The following TMEM45B variants were observed in gnomAD, a reference collection of about 807,000 sequenced individuals.
TMEM45B encodes transmembrane protein 45B.
TMEM45B carries 29 observed loss-of-function variants against 27.3 expected under a neutral mutation model. That is an observed-to-expected ratio of 1.06 (90% CI 0.79 to 1.45). The LOEUF is 1.45. TMEM45B is among the 40% of genes most tolerant of loss of function. The pLI is 0.00. For missense variants in TMEM45B, 348 were observed against 343.9 expected (o/e 1.01, Z -0.09); for synonymous variants, 143 against 134.7 (o/e 1.06, Z -0.43).
At chr11:129,819,422 C>T (rs1243100339) in intron 1 of TMEM45B, among the ~76,000 whole-genome samples, 1 of 152,172 alleles carries the variant, frequency 6.6e-6, no homozygotes, top group Non-Finnish European at 1.5e-5. Context: ...CTTGTGTCTT[C>T]CCGCACCACC....
chr11:129,854,607 C>T lies in TMEM45B; in HGVS notation c.179-3C>T, dbSNP rs1947894034. On this transcript the variant is annotated splice_region_variant and splice_polypyrimidine_tract_variant and intron_variant, in intron 2 of 5. Coordinates refer to ENST00000281441, the MANE Select transcript of TMEM45B (RefSeq NM_138788.5). ...TAAAACATCCATCCTCATTTCCCTG[C>T]AGGGATCCTGGCAGAGCAGTTTGTT... 1 of 1,613,956 alleles carries T rather than the reference C, an allele frequency of 6.2e-7. No homozygotes were observed. The highest frequency in any genetic ancestry group is 1.3e-5 in the African/African-American group (1 of 74,940).
chr11:129,852,381 T>A, intron 1 of TMEM45B, 94 bp from the exon 2 acceptor site: 1 of 1,124,512 alleles, frequency 8.9e-7, no homozygotes, highest in Non-Finnish European at 1.3e-6. Flanking sequence ...GGCTTATGAT[T>A]TGCAATCTCA....
At chr11:129,851,411 G>T (rs1313027060) in intron 1 of TMEM45B, among the ~76,000 whole-genome samples, 1 of 150,294 alleles carries the variant, frequency 6.7e-6, no homozygotes, top group East Asian at 1.9e-4. Context: ...AGGCGTGGTG[G>T]CGGGTGCCTG....
chr11:129,829,741 T>C (rs1432601166), intron 1 of TMEM45B, among the ~76,000 whole-genome samples: 1 of 152,230 alleles, frequency 6.6e-6, no homozygotes, highest in African/African-American at 2.4e-5. Flanking sequence ...GAATCCTCCC[T>C]TTGTTTTCAT....
chr11:129,829,688 C>G (rs915721936), intron 1 of TMEM45B, among the ~76,000 whole-genome samples: 8 of 152,224 alleles, frequency 5.3e-5, no homozygotes, highest in African/African-American at 1.9e-4. Context: ...TTTCATGACA[C>G]TACCCTCTAT....
chr11:129,855,581 C>T, intron 3 of TMEM45B, 127 bp from the exon 4 acceptor site: 1 of 842,728 alleles, frequency 1.2e-6, no homozygotes, highest in Non-Finnish European at 1.9e-6. Context: ...CATCTGTTTG[C>T]TGCCTGTAAT....
intron 1 of TMEM45B, among the ~76,000 whole-genome samples, chr11:129,824,384 A>G (rs960854651): frequency 1.4e-4 from 22 of 151,950 alleles, no homozygotes; most frequent in African/African-American, 5.3e-4. Flanking sequence ...AATGAAAATC[A>G]TTTTTCCAGA....
At chr11:129,855,929 T>A (rs763746935) in intron 4 of TMEM45B, 37 bp downstream of exon 4, 1 of 1,609,714 alleles carries the variant, frequency 6.2e-7, no homozygotes, top group Non-Finnish European at 8.5e-7. Context: ...CTGGTCTGGA[T>A]GGAGAAGCCC....
Position 129,854,730 on chromosome 11 carries a change from G to C in TMEM45B, c.299G>C (p.Gly100Ala). 6.2e-7 allele frequency: 1 copy of C among 1,614,222 alleles called. No homozygotes were observed. The highest frequency in any genetic ancestry group is 1.7e-5 in the Admixed American group (1 of 60,022). Residue 100 changes from glycine to alanine, a missense_variant, in exon 3 of 6, where the codon GGA becomes GCA. Physicochemically the swap from Gly to Ala is moderately conservative, Grantham distance 60. Transcript: ENST00000281441. ...STMYLFFAVS[G>A]IVDMLTYLVS... Reference sequence around the variant, plus strand: ...ATGTACCTATTCTTTGCAGTCTCAGGAATTGTTGACATGCTCACCTATCTG... The same window carrying C: ...ATGTACCTATTCTTTGCAGTCTCAGCAATTGTTGACATGCTCACCTATCTG...
At chr11:129,832,967 C>A (rs1322966571) in intron 1 of TMEM45B, among the ~76,000 whole-genome samples, 1 of 152,104 alleles carries the variant, frequency 6.6e-6, no homozygotes, top group Non-Finnish European at 1.5e-5. Context: ...ATTGGCCGGG[C>A]CTGGTGGCTC....
chr11:129,850,108 T>C (rs570396924), intron 1 of TMEM45B, among the ~76,000 whole-genome samples: 61 of 152,202 alleles, frequency 4.0e-4, no homozygotes, highest in African/African-American at 1.4e-3. Context: ...GCTTTCCTTT[T>C]GATGGTAAAT....
chr11:129,846,317 A>C (rs989704487), intron 1 of TMEM45B, among the ~76,000 whole-genome samples: 2 of 152,086 alleles, frequency 1.3e-5, no homozygotes, highest in Non-Finnish European at 2.9e-5. Context: ...AAAATACAAA[A>C]ATTAGCCAGG....
intron 1 of TMEM45B, among the ~76,000 whole-genome samples, chr11:129,819,032 T>C (rs60436657): frequency 0.018 from 2,778 of 152,340 alleles, 92 homozygotes; most frequent in African/African-American, 0.063. Context: ...ACAGCAAACA[T>C]AACCTCCTTG....
chr11:129,837,044 T>C (rs1325789788), intron 1 of TMEM45B, among the ~76,000 whole-genome samples: 3 of 152,218 alleles, frequency 2.0e-5, no homozygotes, highest in African/African-American at 7.2e-5. Context: ...AAGACCCCTG[T>C]GGCCCAGAGT....
intron 2 of TMEM45B, among the ~76,000 whole-genome samples, chr11:129,853,969 T>C (rs1321957153): frequency 6.6e-6 from 1 of 152,228 alleles, no homozygotes; most frequent in African/African-American, 2.4e-5. Context: ...CTATCCTGTG[T>C]CGCAGTTTCG....
intron 1 of TMEM45B, among the ~76,000 whole-genome samples, chr11:129,822,312 C>G (rs1274342532): frequency 1.3e-5 from 2 of 152,164 alleles, no homozygotes; most frequent in African/African-American, 2.4e-5. Context: ...CCTACAATGT[C>G]TGTGTCTATT....
At chr11:129,846,634 C>T (rs192655626) in intron 1 of TMEM45B, among the ~76,000 whole-genome samples, 7 of 152,104 alleles carry the variant, frequency 4.6e-5, no homozygotes, top group Admixed American at 3.3e-4. Flanking sequence ...TTCCAGAGGC[C>T]CACATTTTAG....
chr11:129,856,934 C>A (rs1383920043), intron 4 of TMEM45B, among the ~76,000 whole-genome samples: 2 of 149,468 alleles, frequency 1.3e-5, no homozygotes, highest in Admixed American at 6.7e-5. Context: ...CTCACTGCAA[C>A]CTCCGCCTCC....
At chr11:129,828,262 A>G (rs1275319507) in intron 1 of TMEM45B, 1 of 152,246 alleles carries the variant, frequency 6.6e-6, no homozygotes, top group Non-Finnish European at 1.5e-5. Context: ...AGGTAACAGA[A>G]TTCTTTTTCA....
Sources: gnomAD v4.1 joint callset for allele counts (sites outside exome capture counted in the v4.1 genomes callset) on GRCh38, gnomAD v4.1.1 for gene constraint, MANE v1.5 for transcripts, NCBI Gene and HGNC (gene_info 2026-07-23, HGNC 2026-07-21) for gene names.